WNK1: variants seen among roughly 807,000 people sequenced by gnomAD.
The protein encoded by WNK1 is WNK lysine deficient protein kinase 1.
WNK1 carries 38 observed loss-of-function variants against 222.8 expected under a neutral mutation model. The ratio of observed to expected loss-of-function variants is 0.17; its 90% CI spans 0.13 to 0.22. The LOEUF (loss-of-function observed/expected upper bound fraction) is 0.22, where lower values mean the gene tolerates loss of function less well. WNK1 is among the 10% of genes least tolerant of loss of function. The pLI is 1.00. For synonymous variants in WNK1, 1,090 were observed against 1,092.9 expected, an observed-to-expected ratio of 1.00 and a Z score of 0.05; for missense variants, 2,348 against 2,918.4, an observed-to-expected ratio of 0.80 and a Z score of 4.50.
At chr12:799,315 G>C (rs1353456611) in intron 1 of WNK1, among the ~76,000 whole-genome samples, 2 of 148,212 alleles carry the variant, frequency 1.3e-5, no homozygotes, top group African/African-American at 5.0e-5. Context: ...TTTTTTTGTA[G>C]AGATGGGGTT....
chr12:887,277 A>G lies in WNK1; in HGVS notation c.5337A>G (p.Pro1779=), dbSNP rs762369364. 6.2e-7 allele frequency: 1 copy of G among 1,614,158 alleles called. No individual in the cohort carries two copies. The highest frequency in any genetic ancestry group is 1.7e-5 in the Admixed American group (1 of 60,020). Residue 1779 remains proline (P), a synonymous_variant, in exon 20 of 28, where the codon CCA becomes CCG. Transcript: ENST00000315939. The part of the protein sequence containing the change: ...PAGTLPSEQL[P]PFPGPSLTQS... Reference sequence around the variant, plus strand: ...GTACTCTACCCAGCGAGCAGCTGCCACCTTTTCCAGGACCTTCTCTAACCC... The same window carrying G: ...GTACTCTACCCAGCGAGCAGCTGCCGCCTTTTCCAGGACCTTCTCTAACCC...
intron 2 of WNK1, among the ~76,000 whole-genome samples, chr12:821,246 A>G (rs967347575): frequency 1.1e-4 from 17 of 152,110 alleles, no homozygotes; most frequent in African/African-American, 3.6e-4. Flanking sequence ...TGGCTTGCCA[A>G]TATTTTGTTG....
intron 4 of WNK1, among the ~76,000 whole-genome samples, chr12:840,700 T>C (rs1949561923): frequency 6.6e-6 from 1 of 152,228 alleles, no homozygotes; most frequent in Admixed American, 6.5e-5. Flanking sequence ...GTTAAACATA[T>C]GTCACCAGAA....
rs1361883208 is a variant in WNK1 at position 900,539 on chromosome 12, G to T, written c.6512G>T (p.Gly2171Val). ...CCCCAGCAGACCCTCCACCCTCCTG[G>T]CAACATCCCAGAGTCCGGGCAGAAT... The part of the protein sequence containing the change: ...LHPQQTLHPP[G>V]NIPESGQNQL... Residue 2171 changes from glycine to valine, a missense_variant, in exon 26 of 28, where the codon GGC (glycine) becomes GTC (valine). Coordinates refer to ENST00000315939, the MANE Select transcript of WNK1 (RefSeq NM_018979.4). 6.2e-7 allele frequency: 1 copy of T among 1,614,132 alleles called. No individual in the cohort carries two copies.
At chr12:881,825 A>G in intron 13 of WNK1, 36 bp downstream of exon 13, 1 of 1,613,570 alleles carries the variant, frequency 6.2e-7, no homozygotes, top group South Asian at 1.1e-5. Flanking sequence ...CTTGACTGGT[A>G]AATAAGACGG....
At chr12:834,896 A>G (rs1361127124) in intron 4 of WNK1, among the ~76,000 whole-genome samples, 2 of 152,230 alleles carry the variant, frequency 1.3e-5, no homozygotes, top group Non-Finnish European at 2.9e-5. Context: ...CCAGGCATCC[A>G]GAATCTTCCT....
intron 26 of WNK1, 123 bp from the exon 27 acceptor site, chr12:907,724 G>T: frequency 2.5e-6 from 3 of 1,193,240 alleles, no homozygotes; most frequent in Non-Finnish European, 2.5e-6. Context: ...CCTCTTGCAT[G>T]GCTTCCCAGT....
intron 9 of WNK1, among the ~76,000 whole-genome samples, chr12:872,172 C>A (rs1182476287): frequency 2.0e-5 from 3 of 152,174 alleles, no homozygotes; most frequent in African/African-American, 7.2e-5. Context: ...GTTGCCCAGG[C>A]TGGAGTGCAG....
intron 1 of WNK1, among the ~76,000 whole-genome samples, chr12:771,537 C>T (rs564464313): frequency 6.6e-6 from 1 of 152,192 alleles, no homozygotes; most frequent in African/African-American, 2.4e-5. Context: ...TGGGTTCAAG[C>T]GATTCTCCTG....
intron 22 of WNK1, among the ~76,000 whole-genome samples, chr12:891,748 A>G (rs1330318561): frequency 6.6e-6 from 1 of 151,742 alleles, no homozygotes; most frequent in Non-Finnish European, 1.5e-5. Flanking sequence ...TAAAACTAAG[A>G]CATTATTTTC....
At chr12:764,648 A>AG (rs1473773387) in intron 1 of WNK1, among the ~76,000 whole-genome samples, 7 of 143,016 alleles carry the variant, frequency 4.9e-5, no homozygotes, top group Non-Finnish European at 1.6e-5. Context: ...AAAAAAAAAA[A>AG]AAAAAAGAAA....
In WNK1 at chr12:885,497, G is replaced by C. The variant is rs563801917; in HGVS notation, c.4693G>C (p.Gly1565Arg). ...AGVSSYISQPGGLHPLVIPSV... is the reference protein window; with the variant it reads ...AGVSSYISQPRGLHPLVIPSV... ...AGTGTCTAGTTATATTTCTCAGCCT[G>C]GTGGGCTGCATCCTTTGGTCATTCC... is the stretch of plus-strand genomic sequence containing the variant. Residue 1565 changes from glycine (G) to arginine (R), a missense_variant, in exon 19 of 28, where the codon GGT becomes CGT. Physicochemically the swap from Gly to Arg is moderately radical, Grantham distance 125. Transcript: ENST00000315939. 2 of 1,614,022 alleles carry C rather than the reference G, an allele frequency of 1.2e-6. No homozygotes were observed. The highest frequency in any genetic ancestry group is 2.7e-5 in the African/African-American group (2 of 75,022).
At chr12:787,195 G>A (rs1482319254) in intron 1 of WNK1, among the ~76,000 whole-genome samples, 2 of 151,988 alleles carry the variant, frequency 1.3e-5, no homozygotes, top group African/African-American at 4.8e-5. Context: ...GTGGTATTGT[G>A]GAATGGCAAA....
At chr12:826,929 A>G (rs1292775163) in intron 2 of WNK1, 113 bp from the exon 3 acceptor site, 1 of 787,400 alleles carries the variant, frequency 1.3e-6, no homozygotes, top group African/African-American at 1.7e-5. Flanking sequence ...ACTGAATCTT[A>G]GTATGCTAAA....
chr12:817,225 T>TGAGGG (rs1947427082), intron 2 of WNK1, among the ~76,000 whole-genome samples: 1 of 152,182 alleles, frequency 6.6e-6, no homozygotes, highest in African/African-American at 2.4e-5. Flanking sequence ...TAGTCCTAGC[T>TGAGGG]ACTCTGGAGG....
intron 1 of WNK1, among the ~76,000 whole-genome samples, chr12:766,764 A>C (rs1941752940): frequency 6.6e-6 from 1 of 150,520 alleles, no homozygotes; most frequent in Non-Finnish European, 1.5e-5. Context: ...GGTGTGAGCC[A>C]CCACACCCGG....
chr12:894,034 G>T (rs1475435993), intron 22 of WNK1, among the ~76,000 whole-genome samples: 1 of 151,444 alleles, frequency 6.6e-6, no homozygotes, highest in Admixed American at 6.6e-5. Context: ...CCTGGACAAC[G>T]TGGTGAAACT....
intron 1 of WNK1, among the ~76,000 whole-genome samples, chr12:757,470 C>A (rs150742324): frequency 6.6e-6 from 1 of 151,728 alleles, no homozygotes; most frequent in Non-Finnish European, 1.5e-5. Context: ...GGAGTACAGG[C>A]GCACCCCACC....
chr12:859,536 C>A, intron 6 of WNK1, 72 bp downstream of exon 6: 2 of 1,252,336 alleles, frequency 1.6e-6, no homozygotes, highest in Non-Finnish European at 1.1e-6. Context: ...AGCAAAAAAG[C>A]AGTTGATGAA....
Sources: allele counts gnomAD v4.1 joint callset (sites outside exome capture counted in the v4.1 genomes callset), GRCh38; gene constraint gnomAD v4.1.1; transcripts MANE v1.5; gene names NCBI Gene and HGNC (gene_info 2026-07-23, HGNC 2026-07-21).